FILIP1: variants seen among roughly 807,000 people sequenced by gnomAD.
FILIP1 encodes the protein filamin A interacting protein 1.
Under a neutral mutation model 102.1 loss-of-function variants are expected in FILIP1, and 61 were observed. That is an observed-to-expected ratio of 0.60 (90% CI 0.49 to 0.74). The LOEUF (loss-of-function observed/expected upper bound fraction) is 0.74. FILIP1 is among the 30% of genes least tolerant of loss of function. FILIP1 has a pLI of 0.00. For synonymous variants in FILIP1, 491 were observed against 526.9 expected (o/e 0.93, Z 0.93); for missense variants, 1,314 against 1,441.2 (o/e 0.91, Z 1.43).
intron 2 of FILIP1, among the ~76,000 whole-genome samples, chr6:75,377,743 G>A (rs1775791919): frequency 6.6e-6 from 1 of 152,140 alleles, no homozygotes; most frequent in African/African-American, 2.4e-5. Flanking sequence ...ACAATTTATT[G>A]TGCTTCTTCT....
chr6:75,374,535 C>T (rs548055059), intron 2 of FILIP1, among the ~76,000 whole-genome samples: 10 of 152,074 alleles, frequency 6.6e-5, no homozygotes, highest in African/African-American at 1.9e-4. Flanking sequence ...CGTGCCACCA[C>T]GCCAGACTAA....
At chr6:75,374,500 T>C (rs963384585) in intron 2 of FILIP1, among the ~76,000 whole-genome samples, 10 of 152,288 alleles carry the variant, frequency 6.6e-5, no homozygotes, top group Middle Eastern at 6.8e-3. Context: ...TGCCCCAGCC[T>C]CCTGAGTAGC....
chr6:75,343,094 A>G (rs73751820), intron 4 of FILIP1, among the ~76,000 whole-genome samples: 3,900 of 152,214 alleles, frequency 0.026, 180 homozygotes, highest in African/African-American at 0.089. Context: ...CTAATCTGAT[A>G]GGATTGGTAG....
chr6:75,424,348 A>T (rs1008349669), intron 1 of FILIP1, among the ~76,000 whole-genome samples: 2 of 152,026 alleles, frequency 1.3e-5, no homozygotes, highest in African/African-American at 2.4e-5. Context: ...TTCCAATAAA[A>T]TTTTTTCTTT....
At chr6:75,340,194 A>T (rs1382229074) in intron 4 of FILIP1, among the ~76,000 whole-genome samples, 2 of 152,108 alleles carry the variant, frequency 1.3e-5, no homozygotes, top group East Asian at 1.9e-4. Context: ...TTTTCCAGCT[A>T]TGTATTTCAT....
downstream of FILIP1, among the ~76,000 whole-genome samples, chr6:75,305,155 G>A (rs1041902737): frequency 1.3e-5 from 2 of 152,108 alleles, no homozygotes; most frequent in Non-Finnish European, 2.9e-5. Context: ...GAAAATTTGG[G>A]AATCATATCT....
intron 4 of FILIP1, among the ~76,000 whole-genome samples, chr6:75,345,508 C>CT (rs1774547323): frequency 6.6e-6 from 1 of 152,068 alleles, no homozygotes; most frequent in Non-Finnish European, 1.5e-5. Context: ...GGGCCATCTT[C>CT]TTTTTGCCAG....
At chr6:75,324,602 A>G (rs944380761) in intron 4 of FILIP1, among the ~76,000 whole-genome samples, 1 of 152,196 alleles carries the variant, frequency 6.6e-6, no homozygotes, top group Non-Finnish European at 1.5e-5. Context: ...TAAAATTTAT[A>G]TGGAACCAAA....
At position 75,308,879 on chromosome 6, in the gene FILIP1, A is replaced by C; in HGVS notation, c.3454T>G (p.Ser1152Ala). Residue 1152 changes from serine to alanine, a missense_variant, in exon 6 of 6, where the codon TCC (serine) becomes GCC (alanine). Physicochemically the swap from Ser to Ala is moderately conservative, Grantham distance 99 (BLOSUM62 1). Around this residue, in one of 3 missense-constraint regions of FILIP1, gnomAD observed 816 missense variants for 913.1 expected, o/e 0.89. Transcript: ENST00000237172. ...ATGCGGGTGGGTGTAGGCCGCTGGGATGACCCGTCTTGTCCTGACTGTAAG... is the reference window on the plus strand; with the variant it reads ...ATGCGGGTGGGTGTAGGCCGCTGGGCTGACCCGTCTTGTCCTGACTGTAAG... ...TQSVSGQDGS[S>A]QRPTPTRIPM... The C allele has an allele frequency of 6.2e-7, 1 of 1,614,024 alleles. No individual in the cohort carries two copies.
At chr6:75,491,513 G>T (rs918535414) in intron 1 of FILIP1, among the ~76,000 whole-genome samples, 1 of 152,168 alleles carries the variant, frequency 6.6e-6, no homozygotes, top group Non-Finnish European at 1.5e-5. Flanking sequence ...GATTTGGATG[G>T]CAACAAGGGG....
intron 1 of FILIP1, among the ~76,000 whole-genome samples, chr6:75,487,349 C>T (rs143602997): frequency 6.6e-5 from 10 of 152,234 alleles, no homozygotes; most frequent in African/African-American, 1.4e-4. Context: ...AATACAGGCG[C>T]AGGGCATCAT....
intron 1 of FILIP1, among the ~76,000 whole-genome samples, chr6:75,480,100 A>G (rs555846800): frequency 2.4e-3 from 360 of 151,138 alleles, no homozygotes; most frequent in Non-Finnish European, 4.3e-3. Flanking sequence ...TTTTGTTAGT[A>G]TTTCACCTTC....
downstream of FILIP1, among the ~76,000 whole-genome samples, chr6:75,303,576 T>C (rs1229995134): frequency 2.6e-5 from 4 of 152,214 alleles, no homozygotes; most frequent in Non-Finnish European, 5.9e-5. Flanking sequence ...TAAGAAGTTC[T>C]GGACCCAGAC....
intron 1 of FILIP1, among the ~76,000 whole-genome samples, chr6:75,439,249 C>T (rs1047341668): frequency 6.6e-6 from 1 of 152,258 alleles, no homozygotes; most frequent in African/African-American, 2.4e-5. Context: ...GCCTGTAGTC[C>T]CAGCTACTCG....
At chr6:75,452,363 G>GT (rs1428022918) in intron 1 of FILIP1, among the ~76,000 whole-genome samples, 1 of 152,020 alleles carries the variant, frequency 6.6e-6, no homozygotes, top group Non-Finnish European at 1.5e-5. Flanking sequence ...GCAGTGTTTG[G>GT]TTTTTTGTCC....
intron 4 of FILIP1, among the ~76,000 whole-genome samples, chr6:75,317,814 C>T (rs187036388): frequency 1.3e-3 from 201 of 152,330 alleles, no homozygotes; most frequent in African/African-American, 4.7e-3. Flanking sequence ...TCTCTGTGTG[C>T]TCCCAAAACC....
chr6:75,323,332 A>G (rs555986324), intron 4 of FILIP1, among the ~76,000 whole-genome samples: 2 of 152,202 alleles, frequency 1.3e-5, no homozygotes, highest in Non-Finnish European at 2.9e-5. Flanking sequence ...TATGTAATTA[A>G]AATTGGTGAA....
chr6:75,488,065 C>G (rs895500331), intron 1 of FILIP1, among the ~76,000 whole-genome samples: 5 of 152,124 alleles, frequency 3.3e-5, no homozygotes, highest in Non-Finnish European at 7.3e-5. Context: ...TCACAGGCCT[C>G]AGAAACACAT....
intron 2 of FILIP1, among the ~76,000 whole-genome samples, chr6:75,376,660 A>G (rs1775762914): frequency 6.6e-6 from 1 of 152,174 alleles, no homozygotes; most frequent in Non-Finnish European, 1.5e-5. Context: ...CAACATAACC[A>G]AAAGCCTTTC....
Sources: allele counts gnomAD v4.1 joint callset (sites outside exome capture counted in the v4.1 genomes callset), GRCh38; gene constraint gnomAD v4.1.1; regional missense constraint gnomAD v4.1.1; transcripts MANE v1.5; gene names NCBI Gene and HGNC (gene_info 2026-07-23, HGNC 2026-07-21).